PRPF6: variants seen among roughly 807,000 people sequenced by gnomAD.
PRPF6 encodes the protein pre-mRNA processing factor 6, also known as pre-mRNA-processing factor 6.
In PRPF6, 42 loss-of-function variants were observed where a neutral mutation model predicts 118.3. The ratio of observed to expected loss-of-function variants is 0.35; its 90% CI spans 0.28 to 0.46. PRPF6 has a LOEUF of 0.46. Among genes scored for constraint, PRPF6 ranks in the 20% least tolerant of loss-of-function variants. The probability of loss-of-function intolerance (pLI) is 1.00; values close to 1 mark genes in which losing one functional copy is unlikely to be tolerated. For missense variants in PRPF6, 662 were observed against 1,255.7 expected, an observed-to-expected ratio of 0.53 and a Z score of 7.15; for synonymous variants, 481 against 485.1, an observed-to-expected ratio of 0.99 and a Z score of 0.11.
chr20:63,997,487 G>A (rs1466925414), intron 6 of PRPF6, among the ~76,000 whole-genome samples: 1 of 147,652 alleles, frequency 6.8e-6, no homozygotes, highest in African/African-American at 2.5e-5. Flanking sequence ...GACGGAGCCT[G>A]GCACCGTCAC....
At chr20:64,015,613 A>G (rs961828039) in intron 11 of PRPF6, among the ~76,000 whole-genome samples, 1 of 152,220 alleles carries the variant, frequency 6.6e-6, no homozygotes, top group Admixed American at 6.5e-5. Context: ...ACATGGGAAT[A>G]TATTTGTCAC....
chr20:64,009,330 T>C (rs1308253533), intron 9 of PRPF6, among the ~76,000 whole-genome samples: 2 of 151,830 alleles, frequency 1.3e-5, no homozygotes, highest in African/African-American at 4.8e-5. Flanking sequence ...ACTGGCATTT[T>C]TTCGTAAATA....
chr20:63,998,970 C>T, intron 6 of PRPF6, 75 bp from the exon 7 acceptor site: 1 of 1,019,576 alleles, frequency 9.8e-7, no homozygotes. Flanking sequence ...GTGGGAGGGG[C>T]ACCAGGGACC....
In PRPF6 at chr20:64,029,541, C is replaced by T; in HGVS notation, c.2546+50C>T. On this transcript the variant is annotated intron_variant, in intron 19 of 20. Coordinates refer to ENST00000266079, the MANE Select transcript of PRPF6 (RefSeq NM_012469.4). This position sits in a 1 kb window ranked among gnomAD's most constrained non-coding sequence, Gnocchi z 4.8. ...CTGAACCTCGGGGTCCTAATGGGCT[C>T]TTTTTCCAGAGTCTGTCTGCCTCTT... 6.8e-7 allele frequency: 1 copy of T among 1,468,206 alleles called. No individual in the cohort carries two copies. The highest frequency in any genetic ancestry group is 9.5e-7 in the Non-Finnish European group (1 of 1,048,802). 90.9% of individuals were successfully genotyped at this position (1,468,206 alleles called of 1,614,324 possible).
Position 64,027,886 on chromosome 20 carries a change from G to C in PRPF6, c.2339+150G>C. The C allele has an allele frequency of 8.7e-7, 1 of 1,154,000 alleles. No individual in the cohort carries two copies. The allele number at this position is 1,154,000 out of a possible 1,614,324, so 71.5% of individuals were successfully genotyped here. A position where few individuals can be genotyped will look rare whatever the true frequency, so the allele number is the denominator to read the frequency against. Reference sequence around the variant, plus strand: ...GTAGGTGCTGGCCATGAAAAATCACGGTCCCTGCCTTAGGAGAGTTCGGCC... The same window carrying C: ...GTAGGTGCTGGCCATGAAAAATCACCGTCCCTGCCTTAGGAGAGTTCGGCC... On this transcript the variant is annotated intron_variant, in intron 17 of 20. Coordinates refer to ENST00000266079, the MANE Select transcript of PRPF6 (RefSeq NM_012469.4). This position sits in a 1 kb window ranked among gnomAD's most constrained non-coding sequence, Gnocchi z 6.5.
Position 64,026,113 on chromosome 20 carries a change from G to T in PRPF6, c.2028+55G>T, listed in dbSNP as rs2059289148. On this transcript the variant is annotated intron_variant, in intron 15 of 20. Coordinates refer to ENST00000266079, the MANE Select transcript of PRPF6 (RefSeq NM_012469.4). The surrounding 1 kb of genome is among the most constrained non-coding windows in gnomAD (Gnocchi z 4.4). The stretch of plus-strand genomic sequence containing the variant: ...CTGGGGTGCATGGTGTGCACATGCG[G>T]GCCCCACGCCTGGCTTGGGTGGTGA... The T allele has an allele frequency of 6.3e-7, 1 of 1,595,260 alleles. No individual in the cohort carries two copies. Among genetic ancestry groups the T allele is most frequent in the South Asian group, 1.1e-5 (1 of 90,906 alleles).
Position 63,999,767 on chromosome 20 carries a change from A to ATTTCCTGGGAGGCG in PRPF6, c.1023+22_1023+35dup. The ATTTCCTGGGAGGCG allele has an allele frequency of 6.2e-7, 1 of 1,612,348 alleles. No individual in the cohort carries two copies. The highest frequency in any genetic ancestry group is 1.1e-5 in the South Asian group (1 of 91,016). ...ACGGAGATGTGCCCCAAGGTGAGGT[A>ATTTCCTGGGAGGCG]TTTCCTGGGAGGCGTTTCCTGGGAG... On this transcript the variant is annotated intron_variant, in intron 8 of 20. Coordinates refer to ENST00000266079, the MANE Select transcript of PRPF6 (RefSeq NM_012469.4).
intron 7 of PRPF6, 43 bp downstream of exon 7, chr20:63,999,182 G>T: frequency 6.5e-7 from 1 of 1,532,728 alleles, no homozygotes. Context: ...GGAGACTCTA[G>T]TTGCCTAGGG....
chr20:64,015,739 C>G lies in PRPF6; in HGVS notation c.1525-984C>G, dbSNP rs563066813. Among the ~76,000 whole-genome samples the G allele has an allele frequency of 7.9e-5, 12 of 152,240 alleles. No homozygotes were observed. In the East Asian group the frequency reaches 2.3e-3, roughly 29 times the overall value. On this transcript the variant is annotated intron_variant, in intron 11 of 20. Transcript: ENST00000266079. The stretch of plus-strand genomic sequence containing the variant: ...CTTCTTTGCAGTATAAGATTTATGC[C>G]CCCTTCACCAAGTGAGCCAGTCAGC...
chr20:64,005,810 C>A (rs927739242), intron 9 of PRPF6, among the ~76,000 whole-genome samples: 9 of 152,112 alleles, frequency 5.9e-5, no homozygotes, highest in Non-Finnish European at 1.3e-4. Flanking sequence ...TCATGGGTCA[C>A]TGAAGCCTCA....
chr20:63,999,525 A>G (rs2059156626), intron 7 of PRPF6, 78 bp from the exon 8 acceptor site: 3 of 1,556,610 alleles, frequency 1.9e-6, no homozygotes, highest in Admixed American at 3.3e-5. Context: ...GTGACTGTGA[A>G]GTGGGTGCCC....
At chr20:64,030,944 G>C (rs954798583) in intron 19 of PRPF6, among the ~76,000 whole-genome samples, 3 of 152,222 alleles carry the variant, frequency 2.0e-5, no homozygotes, top group Admixed American at 1.3e-4. Flanking sequence ...CTGAGGAGAG[G>C]GTGGCAGCAA....
intron 9 of PRPF6, among the ~76,000 whole-genome samples, chr20:64,008,430 C>CT (rs1334409265): frequency 6.7e-6 from 1 of 149,124 alleles, no homozygotes; most frequent in Non-Finnish European, 1.5e-5. Flanking sequence ...TTTTTTTTTT[C>CT]TTTTTTTATC....
rs190821097 is a variant in PRPF6 at position 64,029,441 on chromosome 20, T to C, written c.2496T>C (p.Asp832=). The change falls in exon 19 of 21, where the codon GAT becomes GAC. Residue 832 remains aspartate, a synonymous_variant. Coordinates refer to ENST00000266079, the MANE Select transcript of PRPF6 (RefSeq NM_012469.4). The surrounding 1 kb of genome is among the most constrained non-coding windows in gnomAD (Gnocchi z 4.8). The part of the protein sequence containing the change: ...ARPQRRTKSV[D]ALKKCEHDPH... Reference sequence around the variant, plus strand: ...CCCAGAGGAGGACCAAGAGCGTGGATGCCCTGAAGAAGTGTGAGCATGACC... The same window carrying C: ...CCCAGAGGAGGACCAAGAGCGTGGACGCCCTGAAGAAGTGTGAGCATGACC... 153 of 1,614,212 alleles carry C rather than the reference T, an allele frequency of 9.5e-5. No individual in the cohort carries two copies. In the East Asian group the frequency reaches 3.4e-3, roughly 35 times the overall value.
chr20:63,994,537 T>G (rs928779123), intron 4 of PRPF6, among the ~76,000 whole-genome samples: 8 of 152,154 alleles, frequency 5.3e-5, no homozygotes, highest in Non-Finnish European at 1.2e-4. Flanking sequence ...CTCAGCACTT[T>G]GGGAGGCTGA....
chr20:64,027,124 T>C lies in PRPF6; in HGVS notation c.2171T>C (p.Met724Thr), dbSNP rs1236571565. ...GGGCAGATCGAGGAGCAGAAGGAGATGATGGAGAAGGCGCGGGAAGCCTAT... is the reference window on the plus strand; with the variant it reads ...GGGCAGATCGAGGAGCAGAAGGAGACGATGGAGAAGGCGCGGGAAGCCTAT... Reference protein sequence around the residue: ...MKGQIEEQKEMMEKAREAYNQ... With the variant: ...MKGQIEEQKETMEKAREAYNQ... Residue 724 changes from methionine (M) to threonine (T), a missense_variant, in exon 16 of 21, where the codon ATG becomes ACG. Physicochemically the swap from Met to Thr is moderately conservative, Grantham distance 81 (BLOSUM62 -1). Around this residue, in one of 10 missense-constraint regions of PRPF6, gnomAD observed 244 missense variants for 383.7 expected, o/e 0.64. Transcript: ENST00000266079. This position sits in a 1 kb window ranked among gnomAD's most constrained non-coding sequence, Gnocchi z 6.5. 1.2e-6 allele frequency: 2 copies of C among 1,613,650 alleles called. No homozygotes were observed. Among genetic ancestry groups the C allele is most frequent in the African/African-American group, 2.7e-5 (2 of 74,846 alleles).
Position 64,011,739 on chromosome 20 carries a change from C to A in PRPF6, c.1524+236C>A, listed in dbSNP as rs1315287756. Among the ~76,000 whole-genome samples, 4 of 152,222 alleles carry A rather than the reference C, an allele frequency of 2.6e-5. No homozygotes were observed. Among genetic ancestry groups the A allele is most frequent in the Non-Finnish European group, 4.4e-5 (3 of 68,042 alleles). ...ACTTCAGAAGCCCTTTCAGTGTGTGCACACCTGACTGCATTTCTTTGCTAG... is the reference window on the plus strand; with the variant it reads ...ACTTCAGAAGCCCTTTCAGTGTGTGAACACCTGACTGCATTTCTTTGCTAG... On this transcript the variant is annotated intron_variant, in intron 11 of 20. Coordinates refer to ENST00000266079, the MANE Select transcript of PRPF6 (RefSeq NM_012469.4). This position sits in a 1 kb window ranked among gnomAD's most constrained non-coding sequence, Gnocchi z 6.7.
chr20:63,997,136 G>A (rs935923663), intron 6 of PRPF6, among the ~76,000 whole-genome samples: 6 of 151,976 alleles, frequency 3.9e-5, no homozygotes, highest in Non-Finnish European at 7.4e-5. Context: ...GTCCCCGTGC[G>A]CTTTCTCCCC....
At chr20:64,013,925 C>CTTTTGT (rs934255050) in intron 11 of PRPF6, among the ~76,000 whole-genome samples, 2 of 151,954 alleles carry the variant, frequency 1.3e-5, no homozygotes, top group Admixed American at 6.6e-5. Context: ...CCTCTGTAGC[C>CTTTTGT]TTTTGTTTTT....
Sources: gnomAD v4.1 joint callset for allele counts (sites outside exome capture counted in the v4.1 genomes callset) on GRCh38, gnomAD v4.1.1 for gene constraint, gnomAD v4.1.1 regional missense constraint, Gnocchi (gnomAD v3.1) non-coding constraint, MANE v1.5 for transcripts, NCBI Gene and HGNC (gene_info 2026-07-23, HGNC 2026-07-21) for gene names.